PRKAG2: variants seen among roughly 807,000 people sequenced by gnomAD.
PRKAG2 encodes 5'-AMP-activated protein kinase subunit gamma-2.
In PRKAG2, 26 loss-of-function variants were observed where a neutral mutation model predicts 69.6. The ratio of observed to expected loss-of-function variants is 0.37; its 90% confidence interval spans 0.27 to 0.52. The LOEUF is 0.52. Among genes scored for constraint, PRKAG2 ranks in the 20% least tolerant of loss-of-function variants. The pLI is 0.90. For missense variants in PRKAG2, 557 were observed against 740.0 expected, an observed-to-expected ratio of 0.75 and a Z score of 2.87; for synonymous variants, 293 against 285.0, an observed-to-expected ratio of 1.03 and a Z score of -0.28.
chr7:151,633,815 C>T (rs977929413), intron 4 of PRKAG2, among the ~76,000 whole-genome samples: 2 of 152,128 alleles, frequency 1.3e-5, no homozygotes, highest in Non-Finnish European at 2.9e-5. Context: ...AATTCTCCCC[C>T]AGATTAATCT....
At chr7:151,565,261 A>C in intron 13 of PRKAG2, 85 bp downstream of exon 13, 2 of 1,099,116 alleles carry the variant, frequency 1.8e-6, no homozygotes, top group Non-Finnish European at 2.5e-6. Flanking sequence ...TTAAATTAAG[A>C]AACAAGATAA....
chr7:151,616,769 GAGAGA>G (rs758335176), intron 5 of PRKAG2, among the ~76,000 whole-genome samples: 6 of 152,210 alleles, frequency 3.9e-5, no homozygotes, highest in African/African-American at 2.4e-5. Flanking sequence ...AAGTGTTTGA[GAGAGA>G]AGAGAAGAAG....
chr7:151,807,166 T>C lies in PRKAG2; in HGVS notation c.115-20625A>G. 2.7e-6 allele frequency: 1 copy of C among 369,494 alleles called. No individual in the cohort carries two copies. Among genetic ancestry groups the C allele is most frequent in the South Asian group, 2.0e-5 (1 of 48,962 alleles). 22.9% of individuals were successfully genotyped at this position (369,494 alleles called of 1,614,324 possible). On this transcript the variant is annotated intron_variant, in intron 1 of 15. Coordinates refer to ENST00000287878, the MANE Select transcript of PRKAG2 (RefSeq NM_016203.4). The surrounding 1 kb of genome is among the most constrained non-coding windows in gnomAD (Gnocchi z 4.4). ...CACTGTGGCGGTGGTCACATGACTG[T>C]GCACACTTACGACAACCCATCTAAT...
intron 3 of PRKAG2, among the ~76,000 whole-genome samples, chr7:151,706,929 A>G (rs1424552222): frequency 6.6e-6 from 1 of 152,232 alleles, no homozygotes; most frequent in African/African-American, 2.4e-5. Context: ...GGCGTCTACC[A>G]TGAGGGAAGA....
chr7:151,654,755 T>A (rs193235664), intron 4 of PRKAG2, among the ~76,000 whole-genome samples: 1 of 152,336 alleles, frequency 6.6e-6, no homozygotes, highest in Non-Finnish European at 1.5e-5. Flanking sequence ...TGCAGTGGTG[T>A]GATCTTGGCT....
chr7:151,584,041 C>T (rs998130906), intron 6 of PRKAG2, among the ~76,000 whole-genome samples: 4 of 152,174 alleles, frequency 2.6e-5, no homozygotes, highest in Admixed American at 6.5e-5. Context: ...ATATCTACTG[C>T]GTCAAGAAGG....
chr7:151,806,121 G>A (rs1003799207), intron 1 of PRKAG2, among the ~76,000 whole-genome samples: 6 of 152,314 alleles, frequency 3.9e-5, no homozygotes, highest in Admixed American at 6.5e-5. Context: ...CCCGGGAAGC[G>A]GAGGTTGCAG....
chr7:151,728,566 C>G (rs1284352516), intron 3 of PRKAG2, among the ~76,000 whole-genome samples: 7 of 152,182 alleles, frequency 4.6e-5, no homozygotes, highest in African/African-American at 9.6e-5. Flanking sequence ...TAAAAATACA[C>G]CCCCTTTTGA....
intron 3 of PRKAG2, among the ~76,000 whole-genome samples, chr7:151,684,685 C>T (rs73158153): frequency 0.032 from 4,831 of 152,216 alleles, 213 homozygotes; most frequent in East Asian, 0.23. Flanking sequence ...GAAGTTCAAG[C>T]TGCAGCTCAC....
At chr7:151,863,886 A>C (rs2079996401) in intron 1 of PRKAG2, among the ~76,000 whole-genome samples, 1 of 138,368 alleles carries the variant, frequency 7.2e-6, no homozygotes, top group Admixed American at 7.7e-5. Flanking sequence ...CCTGGACTAC[A>C]GAGCAAAACC....
At chr7:151,713,616 GCT>G in intron 3 of PRKAG2, among the ~76,000 whole-genome samples, 1 of 144,292 alleles carries the variant, frequency 6.9e-6, no homozygotes, top group East Asian at 2.1e-4. Context: ...ACAAAGTCTC[GCT>G]CTGTTGCCCA....
intron 9 of PRKAG2, 119 bp downstream of exon 9, chr7:151,572,545 T>C: frequency 1.3e-6 from 1 of 754,168 alleles, no homozygotes; most frequent in South Asian, 1.6e-5. Context: ...ATAAAGAGAA[T>C]GTTTTATATA....
chr7:151,708,253 T>C (rs1838953910), intron 3 of PRKAG2, among the ~76,000 whole-genome samples: 1 of 80,448 alleles, frequency 1.2e-5, no homozygotes, highest in Non-Finnish European at 2.1e-5. Flanking sequence ...ATGAATCTTA[T>C]TATTTCTTTT....
rs941284790 is a variant in PRKAG2, at chr7:151,814,480, C to T, written c.115-27939G>A. The T allele has an allele frequency of 4.9e-6, 6 of 1,230,704 alleles. No homozygotes were observed. In the Admixed American group the frequency reaches 2.1e-4, roughly 43 times the overall value. 76.2% of individuals were successfully genotyped at this position (1,230,704 alleles called of 1,614,324 possible). On this transcript the variant is annotated intron_variant, in intron 1 of 15. Coordinates refer to ENST00000287878, the MANE Select transcript of PRKAG2 (RefSeq NM_016203.4). The surrounding 1 kb of genome is among the most constrained non-coding windows in gnomAD (Gnocchi z 4.8). ...CTAATAAGCAGTGCAGGCTTGTAAG[C>T]TGCTGGATGGCAGGATGCGAGTGAC...
chr7:151,602,693 C>G (rs1439707609), intron 5 of PRKAG2, among the ~76,000 whole-genome samples: 2 of 152,076 alleles, frequency 1.3e-5, no homozygotes, highest in Non-Finnish European at 2.9e-5. Context: ...GCTTCGTGTC[C>G]CCACCCAAAT....
chr7:151,728,686 C>T (rs1195312290), intron 3 of PRKAG2, among the ~76,000 whole-genome samples: 2 of 152,198 alleles, frequency 1.3e-5, no homozygotes, highest in Admixed American at 1.3e-4. Context: ...GTCCAGTGTT[C>T]AGCTTCTCTG....
intron 5 of PRKAG2, among the ~76,000 whole-genome samples, chr7:151,613,866 G>A (rs1334495686): frequency 7.0e-6 from 1 of 142,262 alleles, no homozygotes; most frequent in South Asian, 2.2e-4. Flanking sequence ...TGCAGTGGAC[G>A]ATCTCGGCTC....
rs536214277 is a variant in PRKAG2, at chr7:151,666,065, T to C, written c.684+9355A>G. 1.1e-4 allele frequency among the ~76,000 whole-genome samples: 17 copies of C among 152,340 alleles called. No homozygotes were observed. The East Asian group carries it at 2.9e-3, about 26-fold the overall frequency. On this transcript the variant is annotated intron_variant, in intron 4 of 15. Transcript: ENST00000287878. ...ATCCATGGCTCAATTCACTGAGCTA[T>C]GCTACCTCCCCTCACACCGGATGAA...
chr7:151,667,687 G>A (rs944433546), intron 4 of PRKAG2, among the ~76,000 whole-genome samples: 6 of 152,162 alleles, frequency 3.9e-5, no homozygotes, highest in Non-Finnish European at 8.8e-5. Flanking sequence ...ATATACTTCT[G>A]TCTCTCTTGG....
Sources: gnomAD v4.1 joint callset for allele counts (sites outside exome capture counted in the v4.1 genomes callset) on GRCh38, gnomAD v4.1.1 for gene constraint, Gnocchi (gnomAD v3.1) non-coding constraint, MANE v1.5 for transcripts, NCBI Gene and HGNC (gene_info 2026-07-23, HGNC 2026-07-21) for gene names.